The following NRXN1 variants were observed in gnomAD, a reference collection of about 807,000 sequenced individuals.
NRXN1 encodes neurexin-1.
NRXN1 carries 39 observed loss-of-function variants against 150.9 expected under a neutral mutation model. That is an observed-to-expected ratio of 0.26 (90% CI 0.20 to 0.34). The LOEUF is 0.34. Ranked by LOEUF, NRXN1 falls within the 10% of genes least tolerant of loss-of-function variation. The pLI is 1.00. For synonymous variants in NRXN1, 924 were observed against 757.0 expected (o/e 1.22, Z -3.62); for missense variants, 1,815 against 1,949.9 (o/e 0.93, Z 1.30).
chr2:50,118,810 G>A (rs1229110908), intron 18 of NRXN1, among the ~76,000 whole-genome samples: 1 of 152,108 alleles, frequency 6.6e-6, no homozygotes, highest in Non-Finnish European at 1.5e-5. Flanking sequence ...CATAGTCTAG[G>A]ACAGATGTCA....
At chr2:50,989,594 C>A (rs1290999553) in intron 2 of NRXN1, among the ~76,000 whole-genome samples, 1 of 151,876 alleles carries the variant, frequency 6.6e-6, no homozygotes, top group Non-Finnish European at 1.5e-5. Context: ...TAGTGAAAAC[C>A]ATATGAGATT....
At chr2:50,625,189 G>A (rs1369157738) in intron 5 of NRXN1, among the ~76,000 whole-genome samples, 8 of 151,922 alleles carry the variant, frequency 5.3e-5, no homozygotes, top group Middle Eastern at 3.4e-3. Flanking sequence ...AATAACTCAC[G>A]TCCTGGAATC....
intron 18 of NRXN1, among the ~76,000 whole-genome samples, chr2:50,211,979 A>C (rs1309462771): frequency 6.6e-6 from 1 of 151,692 alleles, no homozygotes; most frequent in African/African-American, 2.4e-5. Flanking sequence ...GAGCAAATCA[A>C]TATGAATTCC....
intron 12 of NRXN1, among the ~76,000 whole-genome samples, chr2:50,510,430 G>A (rs1050281798): frequency 4.5e-4 from 59 of 131,658 alleles, no homozygotes; most frequent in African/African-American, 1.7e-3. Flanking sequence ...AGGTTGCAGT[G>A]AGCCGAGATC....
chr2:50,832,556 G>A (rs1316009116), intron 5 of NRXN1, among the ~76,000 whole-genome samples: 1 of 152,154 alleles, frequency 6.6e-6, no homozygotes, highest in Non-Finnish European at 1.5e-5. Flanking sequence ...CAGAGGGTGA[G>A]GCAGGGGGAA....
At chr2:50,508,634 T>C (rs181500286) in intron 12 of NRXN1, among the ~76,000 whole-genome samples, 23 of 152,226 alleles carry the variant, frequency 1.5e-4, no homozygotes, top group Middle Eastern at 3.4e-3. Context: ...TTTTTAAATA[T>C]ATTTTGTCAA....
At chr2:50,594,538 G>A (rs955802658) in intron 8 of NRXN1, among the ~76,000 whole-genome samples, 3 of 152,084 alleles carry the variant, frequency 2.0e-5, no homozygotes, top group African/African-American at 4.8e-5. Flanking sequence ...ACATGATAAC[G>A]TGTGCTAGGC....
intron 5 of NRXN1, among the ~76,000 whole-genome samples, chr2:50,770,623 C>T (rs905842057): frequency 6.6e-5 from 10 of 151,974 alleles, no homozygotes; most frequent in African/African-American, 2.2e-4. Flanking sequence ...ACCATAATTG[C>T]TTACAATTAA....
At chr2:50,862,902 G>A (rs1180439520) in intron 5 of NRXN1, among the ~76,000 whole-genome samples, 1 of 151,942 alleles carries the variant, frequency 6.6e-6, no homozygotes, top group East Asian at 1.9e-4. Context: ...TACTTGTAAG[G>A]AATAAGGCAG....
At chr2:50,645,963 T>G (rs1223255520) in intron 5 of NRXN1, among the ~76,000 whole-genome samples, 1 of 151,926 alleles carries the variant, frequency 6.6e-6, no homozygotes, top group Admixed American at 6.6e-5. Flanking sequence ...GAAATGTGCC[T>G]TGAGAACAGA....
At chr2:49,983,293 G>C (rs1680294405) in intron 21 of NRXN1, among the ~76,000 whole-genome samples, 1 of 152,154 alleles carries the variant, frequency 6.6e-6, no homozygotes, top group Admixed American at 6.5e-5. Flanking sequence ...ACAGGGGCTG[G>C]TTATATTAGA....
At chr2:50,782,948 T>A (rs934756247) in intron 5 of NRXN1, among the ~76,000 whole-genome samples, 5 of 152,176 alleles carry the variant, frequency 3.3e-5, no homozygotes, top group Non-Finnish European at 7.3e-5. Context: ...AACTAACTCA[T>A]AGCATTTTTT....
At chr2:50,060,418 C>T (rs1326147740) in intron 19 of NRXN1, among the ~76,000 whole-genome samples, 1 of 152,128 alleles carries the variant, frequency 6.6e-6, no homozygotes, top group Non-Finnish European at 1.5e-5. Context: ...TTTATAGGCT[C>T]ATAGGCAGAA....
intron 17 of NRXN1, among the ~76,000 whole-genome samples, chr2:50,391,339 A>T (rs2081677642): frequency 6.6e-6 from 1 of 152,136 alleles, no homozygotes; most frequent in East Asian, 1.9e-4. Flanking sequence ...GAATTGAAAA[A>T]AAAATAAAGC....
intron 18 of NRXN1, among the ~76,000 whole-genome samples, chr2:50,189,952 A>T (rs189610055): frequency 2.7e-4 from 41 of 152,306 alleles, no homozygotes; most frequent in Admixed American, 1.2e-3. Flanking sequence ...CACAAATCAA[A>T]CTCAAACAAT....
intron 21 of NRXN1, among the ~76,000 whole-genome samples, chr2:50,050,135 T>C (rs1692464781): frequency 6.7e-6 from 1 of 149,784 alleles, no homozygotes; most frequent in South Asian, 2.1e-4. Context: ...GGCTGAAAAT[T>C]GATTATCATT....
intron 17 of NRXN1, among the ~76,000 whole-genome samples, chr2:50,438,071 A>G (rs999644509): frequency 3.5e-4 from 53 of 152,132 alleles, no homozygotes; most frequent in African/African-American, 1.2e-3. Context: ...CTGTTCTTCC[A>G]CCTGGGGCTC....
At chr2:50,426,199 A>T (rs2084472517) in intron 17 of NRXN1, among the ~76,000 whole-genome samples, 1 of 152,318 alleles carries the variant, frequency 6.6e-6, no homozygotes, top group Middle Eastern at 3.4e-3. Context: ...AGCTTAAAAG[A>T]CCAACTCTAG....
intron 9 of NRXN1, chr2:50,547,594 T>C (rs1321058431): frequency 6.6e-6 from 1 of 152,162 alleles, no homozygotes; most frequent in Non-Finnish European, 1.5e-5. Flanking sequence ...CCTGCAAAAA[T>C]TGCAAAGTAA....
Sources: gnomAD v4.1 joint callset for allele counts (sites outside exome capture counted in the v4.1 genomes callset) on GRCh38, gnomAD v4.1.1 for gene constraint, MANE v1.5 for transcripts, NCBI Gene and HGNC (gene_info 2026-07-23, HGNC 2026-07-21) for gene names.